KDM4B: variants seen among roughly 807,000 people sequenced by gnomAD.
KDM4B encodes the protein lysine-specific demethylase 4B.
KDM4B carries 32 observed loss-of-function variants against 125.2 expected under a neutral mutation model. The ratio of observed to expected loss-of-function variants is 0.26; its 90% CI spans 0.19 to 0.34. The LOEUF (loss-of-function observed/expected upper bound fraction) is 0.34, where lower values mean the gene tolerates loss of function less well. Ranked by LOEUF, KDM4B falls within the 10% of genes least tolerant of loss-of-function variation. KDM4B has a pLI of 1.00. For missense variants in KDM4B, 1,190 were observed against 1,577.7 expected (o/e 0.75, Z 4.16); for synonymous variants, 721 against 677.9 (o/e 1.06, Z -0.99).
Position 5,110,826 on chromosome 19 carries a change from GCCAAGGGACTGC to G in KDM4B, c.1115+10_1115+21del. 1 of 1,559,894 alleles carries G rather than the reference GCCAAGGGACTGC, an allele frequency of 6.4e-7. No homozygotes were observed. The highest frequency in any genetic ancestry group is 8.7e-7 in the Non-Finnish European group (1 of 1,153,544). ...GGCCAAGCTCCTCCGCAGGTGAGTT[GCCAAGGGACTGC>G]CGCGTGACTGCCCAGCATCACGGGG... On this transcript the variant is annotated intron_variant, in intron 10 of 22. Coordinates refer to ENST00000159111, the MANE Select transcript of KDM4B (RefSeq NM_015015.3).
At chr19:5,066,210 T>C (rs577024339) in intron 6 of KDM4B, among the ~76,000 whole-genome samples, 11 of 152,330 alleles carry the variant, frequency 7.2e-5, no homozygotes, top group Admixed American at 6.5e-4. Flanking sequence ...GCTTTGCCTT[T>C]CTTGGGTGGC....
At chr19:5,067,011 C>T (rs1379662805) in intron 6 of KDM4B, among the ~76,000 whole-genome samples, 2 of 152,146 alleles carry the variant, frequency 1.3e-5, no homozygotes, top group Non-Finnish European at 2.9e-5. Context: ...TAATAGCATT[C>T]GCCCTGATTT....
chr19:5,071,400 C>T (rs892007117), intron 7 of KDM4B, among the ~76,000 whole-genome samples: 1 of 152,252 alleles, frequency 6.6e-6, no homozygotes, highest in Admixed American at 6.5e-5. Context: ...CTCCCATCAC[C>T]TGACCCCACA....
At chr19:5,096,086 CTTT>C (rs36115996) in intron 9 of KDM4B, among the ~76,000 whole-genome samples, 5 of 136,654 alleles carry the variant, frequency 3.7e-5, no homozygotes, top group Non-Finnish European at 4.8e-5. Flanking sequence ...TGTGGGGAAT[CTTT>C]TTTTTTTTTT....
chr19:5,013,371 C>G (rs528210234), intron 1 of KDM4B, among the ~76,000 whole-genome samples: 2 of 152,194 alleles, frequency 1.3e-5, no homozygotes, highest in African/African-American at 2.4e-5. Context: ...TGGACAGGCC[C>G]TTGTCTCCGC....
At chr19:5,004,679 C>G (rs1052176254) in intron 1 of KDM4B, among the ~76,000 whole-genome samples, 3 of 152,250 alleles carry the variant, frequency 2.0e-5, no homozygotes, top group Non-Finnish European at 4.4e-5. Flanking sequence ...CCTGGGAGTC[C>G]CCGTACCCCC....
rs536714402 is a variant in KDM4B at position 5,046,471 on chromosome 19, C to T, written c.433-1005C>T. Among the ~76,000 whole-genome samples the T allele has an allele frequency of 4.6e-5, 7 of 152,276 alleles. No homozygotes were observed. The East Asian group carries it at 5.8e-4, about 13-fold the overall frequency. ...CGCTGGTCTTGCCAAGTCTGAGGGC[C>T]GGTCGTGCAGGTGCAGGAACAGCTG... On this transcript the variant is annotated intron_variant, in intron 5 of 22. Coordinates refer to ENST00000159111, the MANE Select transcript of KDM4B (RefSeq NM_015015.3).
intron 6 of KDM4B, among the ~76,000 whole-genome samples, chr19:5,054,334 G>C (rs710957): frequency 0.17 from 26,016 of 152,162 alleles, 2,892 homozygotes; most frequent in African/African-American, 0.29. Flanking sequence ...TCCTGCCTCA[G>C]CCTCCCAAAG....
intron 6 of KDM4B, among the ~76,000 whole-genome samples, chr19:5,065,632 G>T (rs1216624785): frequency 6.6e-6 from 1 of 152,290 alleles, no homozygotes; most frequent in South Asian, 2.1e-4. Flanking sequence ...CTCTTTCCGG[G>T]GCCAGCGTGG....
At position 5,135,490 on chromosome 19, in the gene KDM4B, A is replaced by G; in HGVS notation, c.2237A>G (p.Asn746Ser). The G allele has an allele frequency of 6.2e-7, 1 of 1,612,818 alleles. No individual in the cohort carries two copies. The highest frequency in any genetic ancestry group is 1.1e-5 in the South Asian group (1 of 91,042). ...GAGAACACGGAGCCGCTGCCTGCCAACTCCTACATCGGCGACGACGGGACC... is the reference window on the plus strand; with the variant it reads ...GAGAACACGGAGCCGCTGCCTGCCAGCTCCTACATCGGCGACGACGGGACC... Reference protein sequence around the residue: ...GGENTEPLPANSYIGDDGTSP... With the variant: ...GGENTEPLPASSYIGDDGTSP... Residue 746 changes from asparagine to serine, a missense_variant, in exon 15 of 23, where the codon AAC (asparagine) becomes AGC (serine). Physicochemically the swap from Asn to Ser is conservative, Grantham distance 46. Coordinates refer to ENST00000159111, the MANE Select transcript of KDM4B (RefSeq NM_015015.3).
At chr19:5,062,477 A>T (rs2620809) in intron 6 of KDM4B, among the ~76,000 whole-genome samples, 2 of 152,074 alleles carry the variant, frequency 1.3e-5, no homozygotes, top group African/African-American at 4.8e-5. Flanking sequence ...CCAGGGAGGC[A>T]CTGGCTTCCC....
chr19:5,070,970 C>T (rs372055947), intron 6 of KDM4B, 40 bp from the exon 7 acceptor site: 1 of 1,611,018 alleles, frequency 6.2e-7, no homozygotes, highest in Non-Finnish European at 8.5e-7. Flanking sequence ...TGCGTGGCTG[C>T]CACCGATCTT....
intron 21 of KDM4B, among the ~76,000 whole-genome samples, chr19:5,146,939 CA>C (rs1182135277): frequency 0.034 from 2,070 of 60,544 alleles, 5 homozygotes; most frequent in African/African-American, 0.064. Context: ...ACCCTGTCTC[CA>C]AAAAAAAAAA....
intron 1 of KDM4B, among the ~76,000 whole-genome samples, chr19:5,003,820 C>T (rs998265738): frequency 3.9e-5 from 6 of 152,008 alleles, no homozygotes; most frequent in Non-Finnish European, 1.5e-5. Flanking sequence ...AAAAAAAGGT[C>T]CCTGCTTACC....
chr19:5,017,630 C>T (rs1276899320), intron 2 of KDM4B, among the ~76,000 whole-genome samples: 1 of 152,168 alleles, frequency 6.6e-6, no homozygotes, highest in African/African-American at 2.4e-5. Flanking sequence ...TTTGTGCTTC[C>T]TTACAAGATG....
chr19:5,052,882 C>T (rs1459030069), intron 6 of KDM4B, among the ~76,000 whole-genome samples: 1 of 152,336 alleles, frequency 6.6e-6, no homozygotes, highest in South Asian at 2.1e-4. Context: ...GCCCGGGACC[C>T]GGGGGGTCCC....
chr19:5,092,756 A>T (rs2038736739), intron 9 of KDM4B, among the ~76,000 whole-genome samples: 1 of 152,142 alleles, frequency 6.6e-6, no homozygotes, highest in South Asian at 2.1e-4. Flanking sequence ...GGAGAGTCAG[A>T]GGAGGGGGCT....
Position 5,151,505 on chromosome 19 carries a change from C to A in KDM4B, c.3285C>A (p.Pro1095=). ...LLQVQGRPGA[P]F is the part of the protein sequence containing the mutation. ...AGGTGCAGGGCCGGCCCGGAGCCCC[C>A]TTCTAGGACAGCTGGCCGCTCAGGC... Residue 1095 remains proline (P), a synonymous_variant, in exon 23 of 23, where the codon CCC becomes CCA. Transcript: ENST00000159111. 7.1e-7 allele frequency: 1 copy of A among 1,405,614 alleles called. No individual in the cohort carries two copies. Among genetic ancestry groups the A allele is most frequent in the African/African-American group, 1.5e-5 (1 of 67,240 alleles). The allele number at this position is 1,405,614 out of a possible 1,614,324, so 87.1% of individuals were successfully genotyped here.
chr19:5,084,405 A>G (rs892635804), intron 9 of KDM4B, among the ~76,000 whole-genome samples: 92 of 142,242 alleles, frequency 6.5e-4, no homozygotes, highest in African/African-American at 2.1e-3. Flanking sequence ...AATAAATTAT[A>G]TAAATTACAT....
Sources: allele counts gnomAD v4.1 joint callset (sites outside exome capture counted in the v4.1 genomes callset), GRCh38; gene constraint gnomAD v4.1.1; transcripts MANE v1.5; gene names NCBI Gene and HGNC (gene_info 2026-07-23, HGNC 2026-07-21).